Variants in KLHL32 observed in about 807,000 individuals in gnomAD.
The protein encoded by KLHL32 is kelch like family member 32, also known as kelch-like protein 32.
A neutral mutation model predicts 64.8 loss-of-function variants in KLHL32; 35 were observed. The observed-to-expected ratio is 0.54, with a 90% CI of 0.41 to 0.72. The LOEUF is 0.72. Ranked by LOEUF, KLHL32 falls within the 30% of genes least tolerant of loss-of-function variation. The pLI, the probability that KLHL32 is intolerant of heterozygous loss-of-function variation, is 0.00. For synonymous variants in KLHL32, 259 were observed against 281.0 expected (o/e 0.92, Z 0.78); for missense variants, 589 against 768.5 (o/e 0.77, Z 2.76).
In KLHL32 at chr6:96,993,270, A is replaced by C. The variant is rs1582627219; in HGVS notation, c.204+17093A>C. 3.3e-5 allele frequency among the ~76,000 whole-genome samples: 5 copies of C among 152,286 alleles called. No homozygotes were observed. The South Asian group carries it at 1.0e-3, about 32-fold the overall frequency. On this transcript the variant is annotated intron_variant, in intron 3 of 10. Transcript: ENST00000369261. ...TGATCTCTACTGGATTTGCTTTTGC[A>C]TCAGTGGTTAATCAAAGGGTTGATT...
At chr6:96,942,719 T>C (rs1771460958) in intron 1 of KLHL32, among the ~76,000 whole-genome samples, 1 of 149,250 alleles carries the variant, frequency 6.7e-6, no homozygotes, top group South Asian at 2.2e-4. Context: ...AGGGTCATAT[T>C]TGATTCTCAA....
At chr6:97,033,913 T>C (rs140961356) in intron 3 of KLHL32, among the ~76,000 whole-genome samples, 2 of 152,270 alleles carry the variant, frequency 1.3e-5, no homozygotes, top group African/African-American at 4.8e-5. Flanking sequence ...TTTGAGTTCC[T>C]TAAATATTTT....
chr6:97,012,084 C>T (rs2128093529), intron 3 of KLHL32, among the ~76,000 whole-genome samples: 1 of 152,280 alleles, frequency 6.6e-6, no homozygotes, highest in African/African-American at 2.4e-5. Flanking sequence ...GCCTCCAAAC[C>T]CCCTCCATTT....
chr6:97,014,044 C>T (rs936722554), intron 3 of KLHL32, among the ~76,000 whole-genome samples: 6 of 152,110 alleles, frequency 3.9e-5, no homozygotes, highest in Non-Finnish European at 8.8e-5. Flanking sequence ...CCGTGGCTCA[C>T]GCTTGTAACC....
At chr6:97,011,438 T>C (rs1780395030) in intron 3 of KLHL32, among the ~76,000 whole-genome samples, 1 of 152,202 alleles carries the variant, frequency 6.6e-6, no homozygotes, top group Non-Finnish European at 1.5e-5. Context: ...ATCACAAGTA[T>C]GTGTGTGGTG....
intron 3 of KLHL32, among the ~76,000 whole-genome samples, chr6:96,978,650 G>C (rs1775972459): frequency 6.6e-6 from 1 of 152,128 alleles, no homozygotes; most frequent in African/African-American, 2.4e-5. Flanking sequence ...AATACTTTAG[G>C]TCTATACCCA....
intron 4 of KLHL32, among the ~76,000 whole-genome samples, chr6:97,060,949 T>C (rs1279988303): frequency 6.6e-6 from 1 of 152,132 alleles, no homozygotes; most frequent in Non-Finnish European, 1.5e-5. Context: ...CCTCTCCTTA[T>C]TCATATGACC....
chr6:96,911,466 C>A, the KLHL32 span, among the ~76,000 whole-genome samples: 2 of 152,148 alleles, frequency 1.3e-5, no homozygotes, highest in African/African-American at 2.4e-5. Flanking sequence ...TATTCTTTGA[C>A]CTTTTATTCC....
At chr6:97,019,912 T>A (rs566642849) in intron 3 of KLHL32, among the ~76,000 whole-genome samples, 139 of 151,072 alleles carry the variant, frequency 9.2e-4, no homozygotes, top group African/African-American at 3.2e-3. Context: ...CCCAAGTAGC[T>A]GGAACTACAG....
intron 4 of KLHL32, among the ~76,000 whole-genome samples, chr6:97,050,458 C>T (rs994186488): frequency 1.3e-5 from 2 of 152,002 alleles, no homozygotes; most frequent in African/African-American, 4.8e-5. Context: ...TATTGTGGGG[C>T]AGGGGCAAGG....
intron 3 of KLHL32, among the ~76,000 whole-genome samples, chr6:97,003,501 A>G (rs1562233585): frequency 6.6e-6 from 1 of 152,194 alleles, no homozygotes; most frequent in East Asian, 1.9e-4. Flanking sequence ...TAGTTTAATT[A>G]GTCATTTATA....
intron 3 of KLHL32, among the ~76,000 whole-genome samples, chr6:97,002,526 G>T (rs748849917): frequency 6.6e-6 from 1 of 152,106 alleles, no homozygotes; most frequent in Non-Finnish European, 1.5e-5. Context: ...TGTTATATAG[G>T]TAAATTGTGC....
At chr6:97,085,774 T>C (rs1256082614) in intron 6 of KLHL32, among the ~76,000 whole-genome samples, 6 of 152,214 alleles carry the variant, frequency 3.9e-5, no homozygotes, top group Non-Finnish European at 7.3e-5. Context: ...TTTGTTGCAA[T>C]AGAGAGCAGC....
chr6:97,064,987 CA>C (rs1582901503), intron 5 of KLHL32, among the ~76,000 whole-genome samples: 2 of 152,332 alleles, frequency 1.3e-5, no homozygotes, highest in Admixed American at 6.5e-5. Context: ...CCGATCAACT[CA>C]GTGACCATGC....
At chr6:96,946,160 T>C (rs1005230923) in intron 1 of KLHL32, among the ~76,000 whole-genome samples, 2 of 150,950 alleles carry the variant, frequency 1.3e-5, no homozygotes, top group African/African-American at 4.8e-5. Context: ...ATTCAAAATA[T>C]GAGTTTATTT....
the KLHL32 span, among the ~76,000 whole-genome samples, chr6:96,899,446 T>C: frequency 6.6e-6 from 1 of 152,238 alleles, no homozygotes; most frequent in East Asian, 1.9e-4. Flanking sequence ...CTCATTTTCA[T>C]AGAAATTCCA....
intron 3 of KLHL32, among the ~76,000 whole-genome samples, chr6:97,039,445 T>C (rs368306795): frequency 5.3e-5 from 8 of 152,050 alleles, no homozygotes; most frequent in East Asian, 3.9e-4. Context: ...AGTGCAAATA[T>C]ACAGTTTAAT....
At chr6:97,108,897 A>T (rs1796757443) in intron 6 of KLHL32, among the ~76,000 whole-genome samples, 2 of 142,810 alleles carry the variant, frequency 1.4e-5, no homozygotes, top group Admixed American at 6.7e-5. Context: ...GCTTAAATTT[A>T]AAAAACAGAG....
intron 5 of KLHL32, among the ~76,000 whole-genome samples, chr6:97,074,011 C>T (rs1335568673): frequency 6.6e-6 from 1 of 152,208 alleles, no homozygotes; most frequent in Non-Finnish European, 1.5e-5. Flanking sequence ...GATACCCTGG[C>T]CTCAGTCCTG....
Sources: allele counts gnomAD v4.1 joint callset (sites outside exome capture counted in the v4.1 genomes callset), GRCh38; gene constraint gnomAD v4.1.1; transcripts MANE v1.5; gene names NCBI Gene and HGNC (gene_info 2026-07-23, HGNC 2026-07-21).